Variants in GALNT2 observed in about 807,000 individuals in gnomAD.
GALNT2 encodes UDP-GalNAc:polypeptide N-acetylgalactosaminyltransferase 2.
Under a neutral mutation model 81.4 loss-of-function variants are expected in GALNT2, and 31 were observed. The ratio of observed to expected loss-of-function variants is 0.38; its 90% CI spans 0.29 to 0.51. The LOEUF (loss-of-function observed/expected upper bound fraction) is 0.51, where lower values mean the gene tolerates loss of function less well. GALNT2 is among the 20% of genes least tolerant of loss of function. GALNT2 has a pLI of 0.87. For synonymous variants in GALNT2, 303 were observed against 287.4 expected (o/e 1.05, Z -0.55); for missense variants, 629 against 765.7 (o/e 0.82, Z 2.11).
intron 1 of GALNT2, among the ~76,000 whole-genome samples, chr1:230,149,998 G>T (rs1022041378): frequency 2.0e-5 from 3 of 152,206 alleles, no homozygotes; most frequent in Non-Finnish European, 2.9e-5. Context: ...TCTCAACACC[G>T]TTGGTGTCTT....
rs1378714768 is a variant in GALNT2, at chr1:230,280,752, G to T, written c.*1294G>T. 6.6e-6 allele frequency: 1 copy of T among 152,580 alleles called. No homozygotes were observed. Among genetic ancestry groups the T allele is most frequent in the Non-Finnish European group, 1.5e-5 (1 of 68,346 alleles). 9.5% of individuals were successfully genotyped at this position (152,580 alleles called of 1,614,324 possible). On this transcript the variant is annotated 3_prime_UTR_variant, in exon 16 of 16. Transcript: ENST00000366672. ...CCTGGCCAAGATGACTGCTTCAGGGGGCTTTGGGGAAAGAATTAGGAAGGG... is the reference window on the plus strand; with the variant it reads ...CCTGGCCAAGATGACTGCTTCAGGGTGCTTTGGGGAAAGAATTAGGAAGGG...
intron 3 of GALNT2, among the ~76,000 whole-genome samples, chr1:230,225,971 C>T (rs1664697065): frequency 6.6e-6 from 1 of 152,194 alleles, no homozygotes; most frequent in Admixed American, 6.5e-5. Context: ...TCATAAGCTC[C>T]ATGAATGAGT....
At chr1:230,131,911 T>C (rs1354045110) in intron 1 of GALNT2, among the ~76,000 whole-genome samples, 23 of 152,194 alleles carry the variant, frequency 1.5e-4, no homozygotes. Context: ...GTGTTTCTTA[T>C]GATTAGGCAT....
In GALNT2 at chr1:230,262,632, C is replaced by T; in HGVS notation, c.1196C>T (p.Ala399Val). 6.2e-7 allele frequency: 1 copy of T among 1,613,960 alleles called. No individual in the cohort carries two copies. The highest frequency in any genetic ancestry group is 8.5e-7 in the Non-Finnish European group (1 of 1,179,902). The part of the protein sequence containing the change: ...MDEYKNFYYA[A>V]VPSARNVPYG... ...GAATACAAAAATTTCTATTATGCAG[C>T]AGTGCCTTCTGCTAGAAACGTTCCT... The change falls in exon 12 of 16, where the codon GCA becomes GTA. Residue 399 changes from alanine (A) to valine (V), a missense_variant. Ala to Val is a moderately conservative substitution (Grantham distance 64). Transcript: ENST00000366672.
intron 1 of GALNT2, among the ~76,000 whole-genome samples, chr1:230,095,120 CAG>C (rs1203085908): frequency 3.3e-5 from 5 of 152,034 alleles, no homozygotes; most frequent in Non-Finnish European, 7.4e-5. Context: ...TAGCTGCAAT[CAG>C]GGAGAGTGTC....
chr1:230,124,389 T>G (rs933356302), intron 1 of GALNT2, among the ~76,000 whole-genome samples: 1 of 152,342 alleles, frequency 6.6e-6, no homozygotes, highest in East Asian at 1.9e-4. Context: ...GTGGTCGTAC[T>G]GGACTTGTGG....
intron 1 of GALNT2, among the ~76,000 whole-genome samples, chr1:230,123,264 G>A (rs1411450369): frequency 1.3e-5 from 2 of 152,144 alleles, no homozygotes; most frequent in African/African-American, 4.8e-5. Context: ...GTGACGCTTG[G>A]CTCCAAGTGG....
chr1:230,236,285 T>G, intron 4 of GALNT2, 68 bp from the exon 5 acceptor site: 1 of 1,519,504 alleles, frequency 6.6e-7, no homozygotes, highest in South Asian at 1.1e-5. Context: ...TATGAGAATT[T>G]TCTACCCCAG....
intron 1 of GALNT2, among the ~76,000 whole-genome samples, chr1:230,121,793 G>T (rs550433715): frequency 3.2e-4 from 48 of 152,226 alleles, no homozygotes; most frequent in African/African-American, 1.1e-3. Flanking sequence ...CCAAAAAGGG[G>T]ACATTGGGAC....
intron 15 of GALNT2, among the ~76,000 whole-genome samples, chr1:230,276,701 T>C (rs1666316132): frequency 6.6e-6 from 1 of 152,190 alleles, no homozygotes; most frequent in Admixed American, 6.5e-5. Context: ...AGCCCCTCTC[T>C]AGGGTTCTGC....
intron 1 of GALNT2, among the ~76,000 whole-genome samples, chr1:230,127,257 G>T (rs1314245344): frequency 2.0e-5 from 3 of 152,092 alleles, no homozygotes; most frequent in African/African-American, 7.2e-5. Context: ...CTTCTCTGTG[G>T]AAGACTCTCT....
At chr1:230,088,006 A>G (rs1443292677) in intron 1 of GALNT2, among the ~76,000 whole-genome samples, 1 of 152,222 alleles carries the variant, frequency 6.6e-6, no homozygotes, top group Admixed American at 6.5e-5. Context: ...CTAAATGAAT[A>G]TGGGGGTGGA....
At position 230,212,954 on chromosome 1, in the gene GALNT2, C is replaced by T. The variant is rs149815643; in HGVS notation, c.374+9664C>T. On this transcript the variant is annotated intron_variant, in intron 3 of 15. Coordinates refer to ENST00000366672, the MANE Select transcript of GALNT2 (RefSeq NM_004481.5). ...TTGACTGTAGAGATTTCGTTTGTGT[C>T]GATGTTGGCATCTCTGAAGGGCCCG... Among the ~76,000 whole-genome samples the T allele has an allele frequency of 2.6e-5, 4 of 152,134 alleles. No homozygotes were observed. The East Asian group carries it at 7.7e-4, about 29-fold the overall frequency.
chr1:230,155,960 G>T (rs1181179752), intron 1 of GALNT2, among the ~76,000 whole-genome samples: 1 of 152,042 alleles, frequency 6.6e-6, no homozygotes, highest in Admixed American at 6.5e-5. Flanking sequence ...AAAACCATGG[G>T]ATCAGTGCTA....
chr1:230,249,447 T>C (rs924499411), intron 9 of GALNT2, among the ~76,000 whole-genome samples, 176 bp downstream of exon 9: 1 of 152,216 alleles, frequency 6.6e-6, no homozygotes, highest in African/African-American at 2.4e-5. Flanking sequence ...AATAAAATCC[T>C]TGGAGATTTC....
At chr1:230,083,422 G>A (rs1383446441) in intron 1 of GALNT2, among the ~76,000 whole-genome samples, 2 of 151,388 alleles carry the variant, frequency 1.3e-5, no homozygotes, top group South Asian at 2.1e-4. Flanking sequence ...GATGGAGCGG[G>A]GAGCCAAGAT....
chr1:230,179,735 G>C (rs1045028215), intron 2 of GALNT2, among the ~76,000 whole-genome samples: 4 of 152,044 alleles, frequency 2.6e-5, no homozygotes, highest in African/African-American at 9.7e-5. Context: ...GTTTCTCCTA[G>C]TCTGTGGCCT....
chr1:230,221,774 T>C (rs1664554011), intron 3 of GALNT2, among the ~76,000 whole-genome samples: 1 of 152,204 alleles, frequency 6.6e-6, no homozygotes, highest in South Asian at 2.1e-4. Flanking sequence ...TATTGACATG[T>C]GTTCAGTTTT....
chr1:230,108,734 A>T (rs746313644), intron 1 of GALNT2, among the ~76,000 whole-genome samples: 1 of 152,206 alleles, frequency 6.6e-6, no homozygotes, highest in Non-Finnish European at 1.5e-5. Context: ...TATCCAAACA[A>T]TGCTGACAGC....
Sources: gnomAD v4.1 joint callset for allele counts (sites outside exome capture counted in the v4.1 genomes callset) on GRCh38, gnomAD v4.1.1 for gene constraint, MANE v1.5 for transcripts, NCBI Gene and HGNC (gene_info 2026-07-23, HGNC 2026-07-21) for gene names.